Variants in POLA1 observed in about 807,000 individuals in gnomAD.
POLA1 encodes the protein DNA polymerase alpha 1, catalytic subunit, also known as DNA polymerase alpha catalytic subunit.
POLA1 carries 15 observed loss-of-function variants against 124.0 expected under a neutral mutation model. The ratio of observed to expected loss-of-function variants is 0.12; its 90% CI spans 0.08 to 0.19. The LOEUF is 0.19. Ranked by LOEUF, POLA1 falls within the 10% of genes least tolerant of loss-of-function variation. The pLI is 1.00. For missense variants in POLA1, 886 were observed against 1,103.4 expected (o/e 0.80, Z 2.79); for synonymous variants, 408 against 389.4 (o/e 1.05, Z -0.56).
chrX:24,919,998 C>T (rs1410907267), intron 35 of POLA1, among the ~76,000 whole-genome samples: 1 of 107,137 alleles, frequency 9.3e-6, no homozygotes, highest in East Asian at 2.9e-4. Context: ...AGGTGTGTGC[C>T]ACCACACCCG....
At chrX:24,885,963 C>T (rs561031868) in intron 34 of POLA1, among the ~76,000 whole-genome samples, 4 of 112,199 alleles carry the variant, frequency 3.6e-5, no homozygotes, top group Admixed American at 9.4e-5. Context: ...AATAGTAAAA[C>T]GTGAATATAA....
chrX:24,936,319 C>T (rs201007282), intron 36 of POLA1, among the ~76,000 whole-genome samples: 4 of 111,764 alleles, frequency 3.6e-5, no homozygotes, highest in East Asian at 2.8e-4. Context: ...TAAGGATTTC[C>T]GCTATATTTC....
At chrX:24,944,831 C>T (rs1416779593) in intron 36 of POLA1, among the ~76,000 whole-genome samples, 1 of 112,222 alleles carries the variant, frequency 8.9e-6, no homozygotes, top group Admixed American at 9.4e-5. Flanking sequence ...AAACATTCAA[C>T]GGTTCTAGTT....
intron 26 of POLA1, chrX:24,788,743 C>G: frequency 8.3e-7 from 1 of 1,204,320 alleles, no homozygotes; most frequent in Non-Finnish European, 1.1e-6. Flanking sequence ...CACTTTCCTC[C>G]TCATCATCAG....
intron 36 of POLA1, among the ~76,000 whole-genome samples, chrX:24,994,470 C>T (rs1234706551): frequency 3.6e-5 from 4 of 112,462 alleles, no homozygotes; most frequent in Admixed American, 1.9e-4. Flanking sequence ...CGGTTCCTAT[C>T]GGGAGGTGCT....
chrX:24,879,570 G>A (rs1404755470), intron 34 of POLA1, among the ~76,000 whole-genome samples: 1 of 111,881 alleles, frequency 8.9e-6, no homozygotes, highest in Non-Finnish European at 1.9e-5. Context: ...TGACTGGGTT[G>A]CATGAGCTCT....
At chrX:24,940,219 G>A (rs191192616) in intron 36 of POLA1, among the ~76,000 whole-genome samples, 3 of 111,465 alleles carry the variant, frequency 2.7e-5, no homozygotes, top group South Asian at 3.8e-4. Flanking sequence ...CATTCAAAAC[G>A]ACATAAAAAT....
chrX:24,784,059 CTTTTTTTTTTTT>C (rs11295214), intron 26 of POLA1, among the ~76,000 whole-genome samples: 1 of 59,509 alleles, frequency 1.7e-5, no homozygotes, highest in Non-Finnish European at 3.0e-5. Flanking sequence ...ATTTATATTT[CTTTTTTTTTTTT>C]TTTTTTTTTG....
intron 35 of POLA1, among the ~76,000 whole-genome samples, chrX:24,892,578 G>T (rs951004918): frequency 6.3e-5 from 7 of 111,799 alleles, no homozygotes; most frequent in Admixed American, 4.7e-4. Context: ...CTCCACAGAG[G>T]ATTCTGTATT....
At chrX:24,941,962 AAAG>A (rs1430475370) in intron 36 of POLA1, among the ~76,000 whole-genome samples, 2 of 112,075 alleles carry the variant, frequency 1.8e-5, no homozygotes, top group African/African-American at 6.5e-5. Context: ...TAGGGTCAAA[AAAG>A]CAGGTCTGTG....
At chrX:24,965,524 T>A (rs929291038) in intron 36 of POLA1, among the ~76,000 whole-genome samples, 2 of 112,041 alleles carry the variant, frequency 1.8e-5, no homozygotes, top group African/African-American at 6.5e-5. Flanking sequence ...AAGCACTAAA[T>A]CCAACAGTGT....
At chrX:24,921,449 T>C in intron 35 of POLA1, among the ~76,000 whole-genome samples, 1 of 112,436 alleles carries the variant, frequency 8.9e-6, no homozygotes, top group East Asian at 2.8e-4. Context: ...TTTAACTGTG[T>C]CACAGTATTG....
chrX:24,848,795 C>G (rs5986710), intron 34 of POLA1, among the ~76,000 whole-genome samples: 52,916 of 111,055 alleles, frequency 0.48, 10,150 homozygotes, highest in East Asian at 0.67. Context: ...GATGAAGCAG[C>G]CTCCCACTCT....
At chrX:24,769,833 C>T (rs138724420) in intron 26 of POLA1, among the ~76,000 whole-genome samples, 218 of 112,084 alleles carry the variant, frequency 1.9e-3, no homozygotes, top group Non-Finnish European at 3.0e-3. Context: ...GCCTGCTATC[C>T]ACGTACAGTA....
Position 24,771,484 on chromosome X carries a change from T to G in POLA1, c.2964+22492T>G, listed in dbSNP as rs757523379. Among the ~76,000 whole-genome samples, 3 of 111,701 alleles carry G rather than the reference T, an allele frequency of 2.7e-5. No homozygotes were observed. The South Asian group carries it at 1.1e-3, about 42-fold the overall frequency. Reference sequence around the variant, plus strand: ...TTTCAGGGCAAAAACAGCAGGGTCATCGAGTCATAACTCTTGTAATCTGGG... The same window carrying G: ...TTTCAGGGCAAAAACAGCAGGGTCAGCGAGTCATAACTCTTGTAATCTGGG... On this transcript the variant is annotated intron_variant, in intron 26 of 36. Coordinates refer to ENST00000379068, the MANE Select transcript of POLA1 (RefSeq NM_001330360.2).
intron 26 of POLA1, chrX:24,788,245 C>T: frequency 1.7e-6 from 1 of 588,614 alleles, no homozygotes; most frequent in Non-Finnish European, 2.5e-6. Context: ...ATGACAAGCC[C>T]ACAGCTAACA....
intron 36 of POLA1, among the ~76,000 whole-genome samples, chrX:24,965,755 G>A (rs1486934525): frequency 6.2e-5 from 7 of 112,400 alleles, no homozygotes; most frequent in Non-Finnish European, 1.9e-5. Flanking sequence ...GAAAGGAAAA[G>A]GTGAGCAGTT....
At chrX:24,870,859 G>A (rs2147112938) in intron 34 of POLA1, among the ~76,000 whole-genome samples, 1 of 111,786 alleles carries the variant, frequency 8.9e-6, no homozygotes, top group East Asian at 2.8e-4. Flanking sequence ...GAGAGCTCTG[G>A]AGATGAATCT....
At chrX:24,811,720 G>C (rs1226686999) in intron 28 of POLA1, among the ~76,000 whole-genome samples, 1 of 106,535 alleles carries the variant, frequency 9.4e-6, no homozygotes, top group Non-Finnish European at 1.9e-5. Flanking sequence ...TTTAAGATGT[G>C]TTCACGTTAG....
Sources: gnomAD v4.1 joint callset for allele counts (sites outside exome capture counted in the v4.1 genomes callset) on GRCh38, gnomAD v4.1.1 for gene constraint, MANE v1.5 for transcripts, NCBI Gene and HGNC (gene_info 2026-07-23, HGNC 2026-07-21) for gene names.